ARHGAP25: variants seen among roughly 807,000 people sequenced by gnomAD.
ARHGAP25 encodes the protein Rho GTPase activating protein 25, also known as rho GTPase-activating protein 25.
Under a neutral mutation model 71.0 loss-of-function variants are expected in ARHGAP25, and 34 were observed. The observed-to-expected ratio is 0.48, with a 90% CI of 0.36 to 0.64. ARHGAP25 has a LOEUF of 0.64. Ranked by LOEUF, ARHGAP25 falls within the 30% of genes least tolerant of loss-of-function variation. The pLI is 0.00. For synonymous variants in ARHGAP25, 282 were observed against 296.5 expected (o/e 0.95, Z 0.50); for missense variants, 706 against 805.1 (o/e 0.88, Z 1.49).
intron 4 of ARHGAP25, among the ~76,000 whole-genome samples, chr2:68,801,431 C>T (rs1250359570): frequency 2.0e-5 from 3 of 152,180 alleles, no homozygotes; most frequent in Non-Finnish European, 2.9e-5. Flanking sequence ...CCAAAAGCCA[C>T]ATGAGAAAGT....
chr2:68,826,303 C>A lies in ARHGAP25; in HGVS notation c.*109C>A. The stretch of plus-strand genomic sequence containing the variant: ...AAATTATTCTCTGAGAGGGAAAGGA[C>A]ATTTGAGGGAAACATCAAATTTCCC... On this transcript the variant is annotated 3_prime_UTR_variant, in exon 11 of 11. Coordinates refer to ENST00000409202, the MANE Select transcript of ARHGAP25 (RefSeq NM_001007231.3). 5 of 1,030,794 alleles carry A rather than the reference C, an allele frequency of 4.9e-6. No individual in the cohort carries two copies. Among genetic ancestry groups the A allele is most frequent in the Non-Finnish European group, 7.5e-6 (5 of 668,556 alleles). 63.9% of individuals were successfully genotyped at this position (1,030,794 alleles called of 1,614,324 possible). A position where few individuals can be genotyped will look rare whatever the true frequency, so the allele number is the denominator to read the frequency against.
intron 4 of ARHGAP25, among the ~76,000 whole-genome samples, chr2:68,789,807 G>C (rs1679037124): frequency 6.6e-6 from 1 of 152,108 alleles, no homozygotes; most frequent in Non-Finnish European, 1.5e-5. Context: ...GTGAACTGCT[G>C]TACTCTGTCA....
At chr2:68,810,330 C>T (rs1196760521) in intron 5 of ARHGAP25, among the ~76,000 whole-genome samples, 1 of 152,118 alleles carries the variant, frequency 6.6e-6, no homozygotes, top group East Asian at 1.9e-4. Flanking sequence ...AAAAAGGAAA[C>T]TCAACACTAT....
Position 68,754,416 on chromosome 2 carries a change from C to T in ARHGAP25, c.61+19156C>T, listed in dbSNP as rs954111553. Among the ~76,000 whole-genome samples the T allele has an allele frequency of 2.0e-5, 3 of 152,148 alleles. No individual in the cohort carries two copies. The East Asian group carries it at 5.8e-4, about 29-fold the overall frequency. On this transcript the variant is annotated intron_variant, in intron 1 of 10. Coordinates refer to ENST00000409202, the MANE Select transcript of ARHGAP25 (RefSeq NM_001007231.3). Reference sequence around the variant, plus strand: ...CATTTGAGATTCACCCATGTTATGACTTGTATAGATAGTTTTGTCCTTTTT... The same window carrying T: ...CATTTGAGATTCACCCATGTTATGATTTGTATAGATAGTTTTGTCCTTTTT...
chr2:68,735,373 C>A, intron 1 of ARHGAP25, 113 bp downstream of exon 1: 1 of 1,183,576 alleles, frequency 8.4e-7, no homozygotes, highest in Non-Finnish European at 1.2e-6. Context: ...CGCAGCAAAT[C>A]TGAGTTTGAG....
At chr2:68,772,799 G>A (rs1022053788) in intron 1 of ARHGAP25, among the ~76,000 whole-genome samples, 3 of 152,262 alleles carry the variant, frequency 2.0e-5, no homozygotes, top group African/African-American at 7.2e-5. Context: ...AGGCCTTGAA[G>A]ATAGCAAGTA....
intron 1 of ARHGAP25, among the ~76,000 whole-genome samples, chr2:68,747,006 CT>C (rs1156955108): frequency 2.2e-5 from 1 of 46,480 alleles, no homozygotes. Context: ...GAAACTCCAT[CT>C]CAAAAAAAAA....
chr2:68,824,391 TCCAGAA>T (rs1681937132), intron 10 of ARHGAP25, among the ~76,000 whole-genome samples: 1 of 152,150 alleles, frequency 6.6e-6, no homozygotes, highest in South Asian at 2.1e-4. Flanking sequence ...TGGAATTTCT[TCCAGAA>T]CCAGAGGGGT....
chr2:68,763,028 A>G (rs949790499), intron 1 of ARHGAP25, among the ~76,000 whole-genome samples: 1 of 152,266 alleles, frequency 6.6e-6, no homozygotes, highest in Non-Finnish European at 1.5e-5. Context: ...CTCAAGCATC[A>G]TGAAGTGTAG....
upstream of ARHGAP25, among the ~76,000 whole-genome samples, chr2:68,731,239 C>T (rs1297156496): frequency 6.6e-6 from 1 of 152,096 alleles, no homozygotes; most frequent in African/African-American, 2.4e-5. Flanking sequence ...CCTTGTTCCT[C>T]ATTACCAATC....
rs143337499 is a variant in ARHGAP25 at position 68,752,255 on chromosome 2, T to A, written c.61+16995T>A. Reference sequence around the variant, plus strand: ...AGTTCATGAAATCAGCTATGGAAATTGTGGAACATAAGTCATGGTTCCATT... The same window carrying A: ...AGTTCATGAAATCAGCTATGGAAATAGTGGAACATAAGTCATGGTTCCATT... On this transcript the variant is annotated intron_variant, in intron 1 of 10. Transcript: ENST00000409202. 2.5e-3 allele frequency among the ~76,000 whole-genome samples: 376 copies of A among 151,790 alleles called. 2 individuals carry two copies. The highest frequency in any genetic ancestry group is 7.8e-3 in the African/African-American group (319 of 41,082).
chr2:68,799,545 A>G (rs1353419362), intron 4 of ARHGAP25, among the ~76,000 whole-genome samples: 1 of 152,192 alleles, frequency 6.6e-6, no homozygotes, highest in African/African-American at 2.4e-5. Context: ...ACACATTGAT[A>G]TATAGAACAA....
chr2:68,742,933 C>G (rs1259093467), intron 1 of ARHGAP25, among the ~76,000 whole-genome samples: 2 of 152,212 alleles, frequency 1.3e-5, no homozygotes, highest in African/African-American at 4.8e-5. Context: ...TCAATTTTGT[C>G]TGCATGGCTA....
chr2:68,718,276 C>G (rs575563715), intron 2 of ARHGAP25, among the ~76,000 whole-genome samples: 1 of 152,178 alleles, frequency 6.6e-6, no homozygotes, highest in African/African-American at 2.4e-5. Context: ...TCTGGAGGAT[C>G]TAAGGGGAGA....
chr2:68,753,406 C>G (rs1265969583), intron 1 of ARHGAP25, among the ~76,000 whole-genome samples: 1 of 152,148 alleles, frequency 6.6e-6, no homozygotes, highest in African/African-American at 2.4e-5. Context: ...GTATTAAAAC[C>G]CAGTACTACT....
chr2:68,776,702 G>T (rs537726842), intron 2 of ARHGAP25, among the ~76,000 whole-genome samples: 1 of 152,236 alleles, frequency 6.6e-6, no homozygotes, highest in South Asian at 2.1e-4. Flanking sequence ...GATGTCTCAG[G>T]GCATCCAGCA....
chr2:68,712,879 G>A (rs1054181277), intron 2 of ARHGAP25, among the ~76,000 whole-genome samples: 1 of 152,050 alleles, frequency 6.6e-6, no homozygotes, highest in Non-Finnish European at 1.5e-5. Context: ...TATCTGTTTT[G>A]GTACCAGTAC....
intron 4 of ARHGAP25, among the ~76,000 whole-genome samples, chr2:68,801,905 T>G (rs1358567180): frequency 6.6e-6 from 1 of 152,210 alleles, no homozygotes; most frequent in African/African-American, 2.4e-5. Context: ...TGAGAATTTT[T>G]TAAAAGCAAA....
chr2:68,771,116 A>G (rs1037965631), intron 1 of ARHGAP25, among the ~76,000 whole-genome samples: 1 of 152,176 alleles, frequency 6.6e-6, no homozygotes, highest in Admixed American at 6.5e-5. Context: ...GTACACAGCC[A>G]CTTATGGTTA....
Sources: allele counts gnomAD v4.1 joint callset (sites outside exome capture counted in the v4.1 genomes callset), GRCh38; gene constraint gnomAD v4.1.1; transcripts MANE v1.5; gene names NCBI Gene and HGNC (gene_info 2026-07-23, HGNC 2026-07-21).